The following GALNT13 variants were observed in gnomAD, a reference collection of about 807,000 sequenced individuals.
GALNT13 encodes the protein polypeptide N-acetylgalactosaminyltransferase 13.
In GALNT13, 28 loss-of-function variants were observed where a neutral mutation model predicts 64.2. The ratio of observed to expected loss-of-function variants is 0.44; its 90% CI spans 0.32 to 0.60. The LOEUF (loss-of-function observed/expected upper bound fraction) is 0.60. Among genes scored for constraint, GALNT13 ranks in the 20% least tolerant of loss-of-function variants. The pLI, the probability that GALNT13 is intolerant of heterozygous loss-of-function variation, is 0.05. For synonymous variants in GALNT13, 214 were observed against 224.6 expected (o/e 0.95, Z 0.42); for missense variants, 577 against 669.8 (o/e 0.86, Z 1.53).
chr2:153,640,002 C>T, the GALNT13 span, among the ~76,000 whole-genome samples: 1 of 152,044 alleles, frequency 6.6e-6, no homozygotes. Flanking sequence ...TGCAGACGCC[C>T]ATAGAGGGGC....
the GALNT13 span, among the ~76,000 whole-genome samples, chr2:153,753,367 T>G: frequency 6.6e-6 from 1 of 152,172 alleles, no homozygotes; most frequent in Non-Finnish European, 1.5e-5. Flanking sequence ...CAGCCTGGGC[T>G]TGTTTGTATC....
At chr2:154,076,350 C>A (rs1222517598) in intron 3 of GALNT13, among the ~76,000 whole-genome samples, 2 of 151,658 alleles carry the variant, frequency 1.3e-5, no homozygotes, top group Non-Finnish European at 3.0e-5. Context: ...AAATCGCAGT[C>A]ATGATATCAA....
At chr2:153,287,621 G>A in the GALNT13 span, among the ~76,000 whole-genome samples, 1 of 152,196 alleles carries the variant, frequency 6.6e-6, no homozygotes, top group African/African-American at 2.4e-5. Flanking sequence ...CACCCCCAGC[G>A]GAATTCCACA....
At chr2:153,304,503 T>C in the GALNT13 span, among the ~76,000 whole-genome samples, 1 of 152,088 alleles carries the variant, frequency 6.6e-6, no homozygotes, top group African/African-American at 2.4e-5. Flanking sequence ...CCCCACTGGG[T>C]GGGTATAAAT....
At chr2:154,211,689 A>C (rs2105801841) in intron 4 of GALNT13, among the ~76,000 whole-genome samples, 1 of 151,654 alleles carries the variant, frequency 6.6e-6, no homozygotes, top group East Asian at 1.9e-4. Context: ...AAGGTACAGT[A>C]AAAATGCAGC....
chr2:153,527,274 A>G, the GALNT13 span, among the ~76,000 whole-genome samples: 1,294 of 152,314 alleles, frequency 8.5e-3, 14 homozygotes, highest in African/African-American at 0.03. Context: ...TAAAGGATAA[A>G]GAATCCTAAA....
intron 4 of GALNT13, among the ~76,000 whole-genome samples, chr2:154,163,143 C>G (rs1398574113): frequency 9.1e-6 from 1 of 109,968 alleles, no homozygotes; most frequent in Admixed American, 1.2e-4. Flanking sequence ...TCCCCCCACC[C>G]CACAACAGGC....
intron 3 of GALNT13, among the ~76,000 whole-genome samples, chr2:154,098,927 G>A (rs1181664638): frequency 6.6e-6 from 1 of 151,750 alleles, no homozygotes; most frequent in African/African-American, 2.4e-5. Context: ...TTTCCTTTGG[G>A]TAGATACACA....
At chr2:153,583,810 T>A in the GALNT13 span, among the ~76,000 whole-genome samples, 2 of 152,136 alleles carry the variant, frequency 1.3e-5, no homozygotes, top group African/African-American at 4.8e-5. Context: ...TTAGGGAAAC[T>A]TGTGCAGCAC....
intron 2 of GALNT13, among the ~76,000 whole-genome samples, chr2:153,938,644 G>T (rs1405687372): frequency 6.6e-6 from 1 of 152,120 alleles, no homozygotes; most frequent in Non-Finnish European, 1.5e-5. Context: ...CATTTCTGGA[G>T]GCTAGAAGTC....
the GALNT13 span, among the ~76,000 whole-genome samples, chr2:153,725,633 G>A: frequency 6.6e-6 from 1 of 152,032 alleles, no homozygotes; most frequent in Non-Finnish European, 1.5e-5. Context: ...AAAATGTAAA[G>A]TTTATGATAT....
intron 1 of GALNT13, among the ~76,000 whole-genome samples, chr2:153,891,334 C>T (rs899565674): frequency 3.3e-5 from 5 of 152,014 alleles, no homozygotes; most frequent in African/African-American, 1.2e-4. Context: ...TGCCTTTCTA[C>T]TTGCTATAAG....
the GALNT13 span, among the ~76,000 whole-genome samples, chr2:153,774,875 G>C: frequency 6.6e-6 from 1 of 152,104 alleles, no homozygotes; most frequent in Non-Finnish European, 1.5e-5. Flanking sequence ...ATGCCACTGC[G>C]CTCCAACCTG....
At chr2:153,257,289 C>G in the GALNT13 span, among the ~76,000 whole-genome samples, 276 of 152,242 alleles carry the variant, frequency 1.8e-3, 4 homozygotes, top group Non-Finnish European at 1.6e-4. Context: ...CCAAGTGAGG[C>G]AATGCCTCGC....
At chr2:154,312,567 T>C (rs1292910393) in intron 9 of GALNT13, among the ~76,000 whole-genome samples, 1 of 152,244 alleles carries the variant, frequency 6.6e-6, no homozygotes, top group African/African-American at 2.4e-5. Flanking sequence ...ATGTGTGTGG[T>C]AATTTGATCG....
At chr2:154,082,065 A>G (rs534054641) in intron 3 of GALNT13, among the ~76,000 whole-genome samples, 5 of 151,926 alleles carry the variant, frequency 3.3e-5, no homozygotes, top group Non-Finnish European at 7.4e-5. Flanking sequence ...ACATAACCCT[A>G]TATCCAAAGG....
intron 2 of GALNT13, among the ~76,000 whole-genome samples, chr2:153,922,496 G>A (rs1689825649): frequency 6.6e-6 from 1 of 152,146 alleles, no homozygotes; most frequent in African/African-American, 2.4e-5. Context: ...TGTATGGACT[G>A]TTTCCTTTTA....
the GALNT13 span, among the ~76,000 whole-genome samples, chr2:153,860,590 G>C: frequency 6.6e-6 from 1 of 152,154 alleles, no homozygotes; most frequent in Non-Finnish European, 1.5e-5. Flanking sequence ...GGAAGGGTCA[G>C]CAGGTGGTTG....
At chr2:154,196,007 C>T (rs144916431) in intron 4 of GALNT13, among the ~76,000 whole-genome samples, 1 of 152,326 alleles carries the variant, frequency 6.6e-6, no homozygotes, top group African/African-American at 2.4e-5. Flanking sequence ...AACTTAATTG[C>T]ATCAGGCCTG....
Sources: allele counts gnomAD v4.1 joint callset (sites outside exome capture counted in the v4.1 genomes callset), GRCh38; gene constraint gnomAD v4.1.1; transcripts MANE v1.5; gene names NCBI Gene and HGNC (gene_info 2026-07-23, HGNC 2026-07-21).